Variants in ADAM15 observed in about 807,000 individuals in gnomAD.
ADAM15 encodes ADAM metallopeptidase domain 15.
ADAM15 carries 77 observed loss-of-function variants against 113.8 expected under a neutral mutation model. The ratio of observed to expected loss-of-function variants is 0.68; its 90% confidence interval spans 0.56 to 0.82. ADAM15 has a LOEUF of 0.82. Among genes scored for constraint, ADAM15 ranks in the 40% least tolerant of loss-of-function variants. The pLI, the probability that ADAM15 is intolerant of heterozygous loss-of-function variation, is 0.00. For synonymous variants in ADAM15, 388 were observed against 454.1 expected, an observed-to-expected ratio of 0.85 and a Z score of 1.85; for missense variants, 963 against 1,120.1, an observed-to-expected ratio of 0.86 and a Z score of 2.00.
intron 17 of ADAM15, 68 bp from the exon 18 acceptor site, chr1:155,060,137 C>G (rs1258144244): frequency 6.3e-7 from 1 of 1,594,868 alleles, no homozygotes; most frequent in Admixed American, 1.7e-5. Flanking sequence ...TCACTCCCTG[C>G]CCCCTGCGCC....
Position 155,057,294 on chromosome 1 carries a change from C to A in ADAM15, c.1255C>A (p.Pro419Thr), listed in dbSNP as rs116408150. 9.9e-6 allele frequency: 16 copies of A among 1,614,224 alleles called. No homozygotes were observed. The highest frequency in any genetic ancestry group is 1.6e-4 in the Middle Eastern group (1 of 6,062). ...CTTCGAACGGCTGCCTAGCCTACCC[C>A]CTATGGCTGCTTTCTGCGGAAATAT... ...CLFERLPSLP[P>T]MAAFCGNMFV... Residue 419 changes from proline to threonine, a missense_variant, in exon 12 of 23, where the codon CCT becomes ACT. Physicochemically the swap from Pro to Thr is conservative, Grantham distance 38. Transcript: ENST00000356955. The surrounding 1 kb of genome is among the most constrained non-coding windows in gnomAD (Gnocchi z 5.0).
intron 2 of ADAM15, 128 bp from the exon 3 acceptor site, chr1:155,053,289 C>T (rs1168481207): frequency 1.8e-5 from 15 of 853,890 alleles, no homozygotes; most frequent in Non-Finnish European, 2.5e-5. Context: ...TTCCTGGCCC[C>T]TCCCCTGGGA....
In ADAM15 at chr1:155,054,442, G is replaced by T. The variant is rs763132154; in HGVS notation, c.548G>T (p.Trp183Leu). 3.1e-6 allele frequency: 5 copies of T among 1,613,368 alleles called. No homozygotes were observed. Among genetic ancestry groups the T allele is most frequent in the Non-Finnish European group, 4.2e-6 (5 of 1,179,644 alleles). The change falls in exon 6 of 23, where the codon TGG (tryptophan) becomes TTG (leucine). Residue 183 changes from tryptophan (W) to leucine (L), a missense_variant. By Grantham distance (61) the Trp-to-Leu change is moderately conservative. Coordinates refer to ENST00000356955, the MANE Select transcript of ADAM15 (RefSeq NM_207197.3). ...CCAGGCCACACCTGTGCCCTGAGCT[G>T]GCGGGAATCTGTACACACTCAGAAG... ...HLPGHTCALS[W>L]RESVHTQKPP...
intron 6 of ADAM15, among the ~76,000 whole-genome samples, chr1:155,054,796 G>A (rs1661542445): frequency 6.6e-6 from 1 of 152,136 alleles, no homozygotes; most frequent in South Asian, 2.1e-4. Flanking sequence ...CTTGAGCCCA[G>A]GAGGCAGAGG....
At chr1:155,052,821 G>A (rs766815515) in intron 2 of ADAM15, 44 bp downstream of exon 2, 29 of 1,561,042 alleles carry the variant, frequency 1.9e-5, no homozygotes, top group East Asian at 1.6e-4. Context: ...ATCCACACAC[G>A]CCCCGGTATA....
intron 1 of ADAM15, 108 bp downstream of exon 1, chr1:155,051,573 G>A: frequency 9.0e-7 from 1 of 1,109,150 alleles, no homozygotes; most frequent in Non-Finnish European, 1.2e-6. Flanking sequence ...GGAGAGCCCA[G>A]CCAGAGCGCG....
At chr1:155,051,830 T>G in intron 1 of ADAM15, 2 of 215,130 alleles carry the variant, frequency 9.3e-6, no homozygotes, top group Non-Finnish European at 9.3e-6. Flanking sequence ...TAGCTAACCG[T>G]TCGACCCGGT....
Position 155,062,275 on chromosome 1 carries a change from A to C in ADAM15, c.2455A>C (p.Arg819=). 2.0e-6 allele frequency: 3 copies of C among 1,466,564 alleles called. No individual in the cohort carries two copies. The South Asian group carries it at 4.2e-5, about 21-fold the overall frequency. The allele number at this position is 1,466,564 out of a possible 1,614,324, so 90.8% of individuals were successfully genotyped here. The change falls in exon 22 of 23, where the codon AGG becomes CGG. Residue 819 remains arginine (R), a synonymous_variant. Transcript: ENST00000356955. The surrounding 1 kb of genome is among the most constrained non-coding windows in gnomAD (Gnocchi z 7.0). The part of the protein sequence containing the change: ...SQGPAKPPPP[R]KPLPADPQGR... Reference sequence around the variant, plus strand: ...GGGGCCAGCCAAGCCCCCACCCCCAAGGAAGCCACTGCCTGCCGACCCCCA... The same window carrying C: ...GGGGCCAGCCAAGCCCCCACCCCCACGGAAGCCACTGCCTGCCGACCCCCA...
At position 155,056,053 on chromosome 1, in the gene ADAM15, C is replaced by T; in HGVS notation, c.745-27C>T. The T allele has an allele frequency of 6.2e-7, 1 of 1,612,358 alleles. No individual in the cohort carries two copies. Among genetic ancestry groups the T allele is most frequent in the Non-Finnish European group, 8.5e-7 (1 of 1,179,766 alleles). ...CCCAGGCCCCTGACCATGGCAACCC[C>T]TCTTCTGAGCCCCAGCTGTCTTTCA... On this transcript the variant is annotated intron_variant, in intron 8 of 22. Transcript: ENST00000356955. This position sits in a 1 kb window ranked among gnomAD's most constrained non-coding sequence, Gnocchi z 4.0.
Position 155,057,917 on chromosome 1 carries a change from G to A in ADAM15, c.1483G>A (p.Gly495Arg), listed in dbSNP as rs769538671. ...GDCDLPEFCP[G>R]DSSQCPPDVS... Reference sequence around the variant, plus strand: ...TTGTGACTTGCCTGAATTCTGCCCAGGAGACAGCTCCCAGTGTCCCCCTGA... The same window carrying A: ...TTGTGACTTGCCTGAATTCTGCCCAAGAGACAGCTCCCAGTGTCCCCCTGA... Residue 495 changes from glycine to arginine, a missense_variant, in exon 14 of 23, where the codon GGA becomes AGA. By Grantham distance (125) the Gly-to-Arg change is moderately radical (BLOSUM62 -2). Coordinates refer to ENST00000356955, the MANE Select transcript of ADAM15 (RefSeq NM_207197.3). The surrounding 1 kb of genome is among the most constrained non-coding windows in gnomAD (Gnocchi z 5.0). 2 of 1,612,534 alleles carry A rather than the reference G, an allele frequency of 1.2e-6. No individual in the cohort carries two copies. Among genetic ancestry groups the A allele is most frequent in the Admixed American group, 1.7e-5 (1 of 60,010 alleles).
At chr1:155,061,320 G>T in intron 19 of ADAM15, 95 bp from the exon 20 acceptor site, 1 of 855,316 alleles carries the variant, frequency 1.2e-6, no homozygotes. Context: ...CTGGGCCCCT[G>T]CTGGCCCCCC....
rs767096960 is a variant in ADAM15, at chr1:155,061,388, G to A, written c.2278-27G>A. On this transcript the variant is annotated intron_variant, in intron 19 of 22. Transcript: ENST00000356955. ...TCTCTGCTTCCTCTTCCCCCTCTGT[G>A]CCTATCTGCCCCTCCTGCCCTCTCA... 6 of 1,603,780 alleles carry A rather than the reference G, an allele frequency of 3.7e-6. No individual in the cohort carries two copies. In the South Asian group the frequency reaches 4.4e-5, roughly 12 times the overall value.
chr1:155,052,868 T>C, intron 2 of ADAM15, 91 bp downstream of exon 2: 1 of 1,493,982 alleles, frequency 6.7e-7, no homozygotes, highest in Non-Finnish European at 9.0e-7. Context: ...GCTGAGGAGC[T>C]GGTGGGTAGA....
In ADAM15 at chr1:155,058,016, G is replaced by A; in HGVS notation, c.1582G>A (p.Ala528Thr). The A allele has an allele frequency of 1.9e-6, 3 of 1,613,934 alleles. No individual in the cohort carries two copies. The highest frequency in any genetic ancestry group is 1.7e-5 in the Admixed American group (1 of 60,030). ...VCMHGRCASY[A>T]QQCQSLWGPG... ...CATGCACGGGCGTTGTGCCTCCTAT[G>A]CCCAGCAGTGCCAGTCACTTTGGGG... The change falls in exon 14 of 23, where the codon GCC becomes ACC. Residue 528 changes from alanine (A) to threonine (T), a missense_variant. Coordinates refer to ENST00000356955, the MANE Select transcript of ADAM15 (RefSeq NM_207197.3). This position sits in a 1 kb window ranked among gnomAD's most constrained non-coding sequence, Gnocchi z 4.3.
chr1:155,053,107 A>ACCCCCC (rs5777934), intron 2 of ADAM15, among the ~76,000 whole-genome samples: 501 of 102,350 alleles, frequency 4.9e-3, no homozygotes, highest in Middle Eastern at 0.013. Flanking sequence ...ACCTTACCAA[A>ACCCCCC]CCCCCCCCCC....
chr1:155,056,262 G>T lies in ADAM15; in HGVS notation c.914+13G>T. 6.2e-7 allele frequency: 1 copy of T among 1,613,696 alleles called. No homozygotes were observed. The highest frequency in any genetic ancestry group is 8.5e-7 in the Non-Finnish European group (1 of 1,179,964). On this transcript the variant is annotated intron_variant, in intron 9 of 22. Transcript: ENST00000356955. This position sits in a 1 kb window ranked among gnomAD's most constrained non-coding sequence, Gnocchi z 4.0. ...CCCAGCTGGTGACGTAAGGGCCCCA[G>T]ACTCAGCCAGAGAGGCCAGTCCTGT...
chr1:155,058,416 C>T lies in ADAM15; in HGVS notation c.1892C>T (p.Pro631Leu). The part of the protein sequence containing the change: ...SDVAQPLLTL[P>L]GTACGPGLVC... ...GTGGCCCAGCCCCTCCTGACTCTGC[C>T]TGGCACAGCCTGTGGCCCTGGCCTG... The change falls in exon 15 of 23, where the codon CCT becomes CTT. Residue 631 changes from proline (P) to leucine (L), a missense_variant. Transcript: ENST00000356955. This position sits in a 1 kb window ranked among gnomAD's most constrained non-coding sequence, Gnocchi z 4.3. 2 of 1,612,726 alleles carry T rather than the reference C, an allele frequency of 1.2e-6. No individual in the cohort carries two copies. Among genetic ancestry groups the T allele is most frequent in the East Asian group, 2.2e-5 (1 of 44,882 alleles).
rs962646431 is a variant in ADAM15, at chr1:155,058,505, C to T, written c.1917+64C>T. 6.3e-7 allele frequency: 1 copy of T among 1,583,974 alleles called. No homozygotes were observed. Among genetic ancestry groups the T allele is most frequent in the Non-Finnish European group, 8.6e-7 (1 of 1,169,454 alleles). ...GACATTTGGACCACAATGAACAGAGCCCAGACTTCACCATTCACCAATGTC... is the reference window on the plus strand; with the variant it reads ...GACATTTGGACCACAATGAACAGAGTCCAGACTTCACCATTCACCAATGTC... On this transcript the variant is annotated intron_variant, in intron 15 of 22. Transcript: ENST00000356955. The surrounding 1 kb of genome is among the most constrained non-coding windows in gnomAD (Gnocchi z 4.3).
rs758158795 is a variant in ADAM15, at chr1:155,057,243, C to A, written c.1204C>A (p.Leu402Ile). The A allele has an allele frequency of 1.4e-5, 22 of 1,614,084 alleles. No individual in the cohort carries two copies. The highest frequency in any genetic ancestry group is 1.8e-5 in the Non-Finnish European group (21 of 1,180,032). ...CAGCCGACGGGCCCTGGAGAAAGCC[C>A]TCCTGGATGGAATGGGCAGCTGCCT... ...NCSRRALEKA[L>I]LDGMGSCLFE... The change falls in exon 12 of 23, where the codon CTC becomes ATC. Residue 402 changes from leucine to isoleucine, a missense_variant. Leu to Ile is a conservative substitution (Grantham distance 5). Transcript: ENST00000356955. The surrounding 1 kb of genome is among the most constrained non-coding windows in gnomAD (Gnocchi z 5.0).
Sources: allele counts gnomAD v4.1 joint callset (sites outside exome capture counted in the v4.1 genomes callset), GRCh38; gene constraint gnomAD v4.1.1; non-coding constraint Gnocchi (gnomAD v3.1); transcripts MANE v1.5; gene names NCBI Gene and HGNC (gene_info 2026-07-23, HGNC 2026-07-21).